The following KIAA1755 variants were observed in gnomAD, a reference collection of about 807,000 sequenced individuals.
KIAA1755 encodes the protein uncharacterized protein KIAA1755.
Under a neutral mutation model 91.7 loss-of-function variants are expected in KIAA1755, and 68 were observed. That is an observed-to-expected ratio of 0.74 (90% CI 0.61 to 0.91). The LOEUF (loss-of-function observed/expected upper bound fraction) is 0.91, where lower values mean the gene tolerates loss of function less well. Among genes scored for constraint, KIAA1755 ranks in the 40% least tolerant of loss-of-function variants. The probability of loss-of-function intolerance (pLI) is 0.00; values close to 1 mark genes in which losing one functional copy is unlikely to be tolerated. For missense variants in KIAA1755, 1,535 were observed against 1,494.4 expected, an observed-to-expected ratio of 1.03 and a Z score of -0.45; for synonymous variants, 610 against 604.6, an observed-to-expected ratio of 1.01 and a Z score of -0.13.
rs1209802019 is a variant in KIAA1755 at position 38,228,521 on chromosome 20, G to T, written c.1872-281C>A. On this transcript the variant is annotated intron_variant, in intron 5 of 13. Coordinates refer to ENST00000279024, the MANE Select transcript of KIAA1755 (RefSeq NM_001029864.2). Reference sequence around the variant, plus strand: ...CTAGCAACTAACCCAGGTACAGTAGGCAAGTCACTTGGGACTCATCCACTT... The same window carrying T: ...CTAGCAACTAACCCAGGTACAGTAGTCAAGTCACTTGGGACTCATCCACTT... Among the ~76,000 whole-genome samples, 4 of 152,144 alleles carry T rather than the reference G, an allele frequency of 2.6e-5. 1 individual carries two copies. The East Asian group carries it at 7.7e-4, about 29-fold the overall frequency.
chr20:38,218,920 G>T (rs1254100262), intron 11 of KIAA1755, among the ~76,000 whole-genome samples: 7 of 152,110 alleles, frequency 4.6e-5, no homozygotes, highest in Non-Finnish European at 8.8e-5. Context: ...GGGATAGAGG[G>T]TATATAATGG....
At chr20:38,249,526 C>T (rs1182329875) in intron 1 of KIAA1755, among the ~76,000 whole-genome samples, 1 of 152,186 alleles carries the variant, frequency 6.6e-6, no homozygotes, top group Non-Finnish European at 1.5e-5. Context: ...AGGCTCCCTC[C>T]CACCCGTAGC....
chr20:38,259,820 C>CCACCACACACACACACACA (rs1555833571), intron 1 of KIAA1755, among the ~76,000 whole-genome samples: 1 of 138,698 alleles, frequency 7.2e-6, no homozygotes, highest in African/African-American at 2.9e-5. Context: ...ACCACCACCA[C>CCACCACACACACACACACA]CACACACACA....
Position 38,228,252 on chromosome 20 carries a change from A to T in KIAA1755, c.1872-12T>A. The T allele has an allele frequency of 6.3e-7, 1 of 1,587,412 alleles. No individual in the cohort carries two copies. Among genetic ancestry groups the T allele is most frequent in the Non-Finnish European group, 8.6e-7 (1 of 1,168,166 alleles). On this transcript the variant is annotated splice_polypyrimidine_tract_variant and intron_variant, in intron 5 of 13. Transcript: ENST00000279024. ...CTTTATCTTCAGGCCTGTGGGTGGT[A>T]AACAGAATTGACAGTCTTGCTGGAT...
At chr20:38,253,654 G>A (rs1215742419) in intron 1 of KIAA1755, among the ~76,000 whole-genome samples, 1 of 152,212 alleles carries the variant, frequency 6.6e-6, no homozygotes, top group Non-Finnish European at 1.5e-5. Flanking sequence ...AGTGTTAACT[G>A]CAGTTACCCC....
chr20:38,219,852 C>A, intron 10 of KIAA1755, 84 bp from the exon 11 acceptor site: 1 of 1,530,782 alleles, frequency 6.5e-7, no homozygotes, highest in South Asian at 1.2e-5. Context: ...CCTGCCCCTC[C>A]ATCTCTGTGG....
chr20:38,255,047 G>T (rs971485303), intron 1 of KIAA1755, among the ~76,000 whole-genome samples: 2 of 151,950 alleles, frequency 1.3e-5, no homozygotes, highest in African/African-American at 4.8e-5. Context: ...TGTGGTGGCG[G>T]GTGCTGAAAA....
In KIAA1755 at chr20:38,219,692, T is replaced by C. The variant is rs776328426; in HGVS notation, c.2494A>G (p.Ser832Gly). ...QLHVLVTASN[S>G]LLGKLELRVR... ...CGGAGCTCCAGCTTCCCCAGGAGGC[T>C]GTTGGAAGCGGTGACCAGAACATGA... The change falls in exon 11 of 14, where the codon AGC becomes GGC. Residue 832 changes from serine to glycine, a missense_variant. Physicochemically the swap from Ser to Gly is moderately conservative, Grantham distance 56. Coordinates refer to ENST00000279024, the MANE Select transcript of KIAA1755 (RefSeq NM_001029864.2). The C allele has an allele frequency of 6.2e-7, 1 of 1,614,068 alleles. No individual in the cohort carries two copies. Among genetic ancestry groups the C allele is most frequent in the Non-Finnish European group, 8.5e-7 (1 of 1,179,990 alleles).
At chr20:38,214,702 G>A (rs574105483) in intron 13 of KIAA1755, among the ~76,000 whole-genome samples, 1 of 152,322 alleles carries the variant, frequency 6.6e-6, no homozygotes, top group South Asian at 2.1e-4. Context: ...CAGGCCCGCA[G>A]GCCCCCTCCC....
chr20:38,248,474 C>G (rs570278269), intron 1 of KIAA1755, among the ~76,000 whole-genome samples: 1 of 152,178 alleles, frequency 6.6e-6, no homozygotes, highest in African/African-American at 2.4e-5. Context: ...AGGTACTATA[C>G]TTGTGTAGCT....
chr20:38,214,088 G>C (rs2075502411), intron 13 of KIAA1755, among the ~76,000 whole-genome samples: 1 of 151,862 alleles, frequency 6.6e-6, no homozygotes, highest in Non-Finnish European at 1.5e-5. Context: ...AGTAGCTGAG[G>C]CTATAGGCAC....
chr20:38,255,929 C>G (rs1376523878), intron 1 of KIAA1755, among the ~76,000 whole-genome samples: 1 of 152,188 alleles, frequency 6.6e-6, no homozygotes, highest in African/African-American at 2.4e-5. Flanking sequence ...CCATCTCCCA[C>G]CCAAACCACA....
chr20:38,235,692 G>A (rs554996032), intron 4 of KIAA1755, among the ~76,000 whole-genome samples: 4 of 152,324 alleles, frequency 2.6e-5, no homozygotes, highest in African/African-American at 9.6e-5. Flanking sequence ...GTAGCCTAGC[G>A]AGATCCATGT....
At chr20:38,220,297 C>CTTTTTTTT (rs35575614) in intron 10 of KIAA1755, among the ~76,000 whole-genome samples, 1 of 134,400 alleles carries the variant, frequency 7.4e-6, no homozygotes, top group South Asian at 2.4e-4. Context: ...TGATGTTTCC[C>CTTTTTTTT]TTTTTTTTTT....
chr20:38,210,833 C>T lies in KIAA1755; in HGVS notation c.*2209G>A, dbSNP rs2075443492. On this transcript the variant is annotated 3_prime_UTR_variant, in exon 14 of 14. Coordinates refer to ENST00000279024, the MANE Select transcript of KIAA1755 (RefSeq NM_001029864.2). ...GCTATGGCAACAGCATTTTAAAAGC[C>T]GTCGGCCCTCTCTGAGGCAACAGGC... 6.6e-6 allele frequency: 1 copy of T among 152,128 alleles called. No individual in the cohort carries two copies. The highest frequency in any genetic ancestry group is 2.4e-5 in the African/African-American group (1 of 41,386). The allele number at this position is 152,128 out of a possible 1,614,324, so 9.4% of individuals were successfully genotyped here. A position where few individuals can be genotyped will look rare whatever the true frequency, so the allele number is the denominator to read the frequency against.
rs1416452431 is a variant in KIAA1755 at position 38,240,960 on chromosome 20, C to A, written c.1171G>T (p.Val391Phe). 11 of 1,614,086 alleles carry A rather than the reference C, an allele frequency of 6.8e-6. No individual in the cohort carries two copies. The South Asian group carries it at 1.2e-4, about 18-fold the overall frequency. ...LDCASGLRAG[V>F]SQEPAASKMQ... ...TTGGAGGCAGCTGGCTCTTGTGAGA[C>A]ACCTGCCCTGAGACCAGAGGCACAG... The change falls in exon 3 of 14, where the codon GTC (valine) becomes TTC (phenylalanine). Residue 391 changes from valine (V) to phenylalanine (F), a missense_variant. By Grantham distance (50) the Val-to-Phe change is conservative (BLOSUM62 -1). Coordinates refer to ENST00000279024, the MANE Select transcript of KIAA1755 (RefSeq NM_001029864.2).
chr20:38,229,140 C>T (rs892399502), intron 5 of KIAA1755, among the ~76,000 whole-genome samples: 10 of 152,210 alleles, frequency 6.6e-5, no homozygotes, highest in African/African-American at 2.2e-4. Context: ...TCAAGCCTTA[C>T]AACCACTCAG....
intron 2 of KIAA1755, among the ~76,000 whole-genome samples, chr20:38,245,176 T>A (rs2076134492): frequency 6.6e-6 from 1 of 152,154 alleles, no homozygotes; most frequent in Non-Finnish European, 1.5e-5. Flanking sequence ...TCAGGATCCT[T>A]CCTTGAGATT....
chr20:38,238,352 T>C (rs2075995366), intron 4 of KIAA1755, among the ~76,000 whole-genome samples: 1 of 152,212 alleles, frequency 6.6e-6, no homozygotes, highest in Admixed American at 6.5e-5. Flanking sequence ...CCTGAAGAGA[T>C]ATGGAAGTCT....
Sources: gnomAD v4.1 joint callset for allele counts (sites outside exome capture counted in the v4.1 genomes callset) on GRCh38, gnomAD v4.1.1 for gene constraint, MANE v1.5 for transcripts, NCBI Gene and HGNC (gene_info 2026-07-23, HGNC 2026-07-21) for gene names.